DCC: variants seen among roughly 807,000 people sequenced by gnomAD.
DCC encodes the protein DCC netrin 1 receptor.
DCC carries 58 observed loss-of-function variants against 172.5 expected under a neutral mutation model. The observed-to-expected ratio is 0.34, with a 90% CI of 0.27 to 0.42. The LOEUF (loss-of-function observed/expected upper bound fraction) is 0.42, where lower values mean the gene tolerates loss of function less well. DCC is among the 10% of genes least tolerant of loss of function. The probability of loss-of-function intolerance (pLI) is 1.00; values close to 1 mark genes in which losing one functional copy is unlikely to be tolerated. For synonymous variants in DCC, 709 were observed against 644.5 expected, an observed-to-expected ratio of 1.10 and a Z score of -1.52; for missense variants, 1,740 against 1,791.0, an observed-to-expected ratio of 0.97 and a Z score of 0.51.
intron 5 of DCC, among the ~76,000 whole-genome samples, chr18:53,040,955 T>C (rs2042160632): frequency 1.3e-5 from 2 of 151,936 alleles, no homozygotes; most frequent in African/African-American, 4.8e-5. Context: ...GATCAATAGA[T>C]TGCAAAAAAT....
chr18:52,871,463 T>C (rs1319089214), intron 2 of DCC, among the ~76,000 whole-genome samples: 2 of 152,116 alleles, frequency 1.3e-5, no homozygotes, highest in African/African-American at 4.8e-5. Context: ...GCTACCCCTC[T>C]TTTTTTCCTT....
intron 5 of DCC, among the ~76,000 whole-genome samples, chr18:52,973,671 G>A (rs2041066338): frequency 6.6e-6 from 1 of 152,148 alleles, no homozygotes; most frequent in East Asian, 1.9e-4. Context: ...AGACTGACTT[G>A]CTTCTTGTGG....
chr18:53,210,886 C>T (rs979629842), intron 11 of DCC, among the ~76,000 whole-genome samples: 3 of 151,388 alleles, frequency 2.0e-5, no homozygotes, highest in Admixed American at 6.6e-5. Flanking sequence ...GCTTTATTTT[C>T]TGAGTAGAAA....
chr18:53,127,278 G>T (rs1598828477), intron 7 of DCC, among the ~76,000 whole-genome samples: 1 of 151,554 alleles, frequency 6.6e-6, no homozygotes, highest in South Asian at 2.1e-4. Context: ...AAGTGCTGGG[G>T]TTACAGGCAG....
intron 15 of DCC, among the ~76,000 whole-genome samples, chr18:53,369,518 A>G (rs2058039265): frequency 6.6e-6 from 1 of 151,804 alleles, no homozygotes; most frequent in South Asian, 2.1e-4. Context: ...TTCAAGTACT[A>G]TTAGAGTAGA....
chr18:52,533,137 C>A (rs2032198035), intron 1 of DCC, among the ~76,000 whole-genome samples: 1 of 152,008 alleles, frequency 6.6e-6, no homozygotes, highest in African/African-American at 2.4e-5. Flanking sequence ...TACCCTTTAC[C>A]CTGTTTCCCC....
chr18:53,382,069 A>AACACACACACACACAC (rs61553123), intron 15 of DCC, among the ~76,000 whole-genome samples: 85 of 122,942 alleles, frequency 6.9e-4, no homozygotes, highest in African/African-American at 1.8e-3. Context: ...GATTAAAAAC[A>AACACACACACACACAC]ACACACACAC....
chr18:53,096,631 G>T (rs1378306654), intron 7 of DCC, among the ~76,000 whole-genome samples: 2 of 151,840 alleles, frequency 1.3e-5, no homozygotes, highest in Non-Finnish European at 2.9e-5. Flanking sequence ...ATAATGGAGG[G>T]GCTATGCTTT....
chr18:53,360,168 T>G (rs1412376913), intron 15 of DCC, among the ~76,000 whole-genome samples: 1 of 152,144 alleles, frequency 6.6e-6, no homozygotes, highest in African/African-American at 2.4e-5. Context: ...ATTGTGTGTT[T>G]GTGTGTTTTA....
intron 1 of DCC, among the ~76,000 whole-genome samples, chr18:52,614,970 G>T (rs2034352351): frequency 6.6e-6 from 1 of 152,058 alleles, no homozygotes; most frequent in Non-Finnish European, 1.5e-5. Flanking sequence ...TTTTAACTCA[G>T]CATTGAATTA....
intron 7 of DCC, among the ~76,000 whole-genome samples, chr18:53,153,857 CAAG>C (rs1409659743): frequency 6.6e-6 from 1 of 152,088 alleles, no homozygotes; most frequent in African/African-American, 2.4e-5. Context: ...ATAGAAGCAT[CAAG>C]AAGCCAAGGA....
In DCC at chr18:53,115,281, TACAC is replaced by T. The variant is rs1209297575; in HGVS notation, c.1262-42071_1262-42068del. On this transcript the variant is annotated intron_variant, in intron 7 of 28. Coordinates refer to ENST00000442544, the MANE Select transcript of DCC (RefSeq NM_005215.4). ...GAAAGAGAATTAGCATTACAAGAAATACACACAAAATAAAAGACATTTCCATGAT... is the reference window on the plus strand; with the variant it reads ...GAAAGAGAATTAGCATTACAAGAAATACAAAATAAAAGACATTTCCATGAT... 3.3e-5 allele frequency among the ~76,000 whole-genome samples: 5 copies of T among 151,674 alleles called. No individual in the cohort carries two copies. The East Asian group carries it at 9.7e-4, about 30-fold the overall frequency.
At chr18:52,396,896 G>C (rs939856197) in intron 1 of DCC, among the ~76,000 whole-genome samples, 36 of 151,996 alleles carry the variant, frequency 2.4e-4, no homozygotes, top group African/African-American at 8.0e-4. Context: ...CTCTAAGAGA[G>C]GGCATATGTT....
chr18:53,504,546 C>T (rs1037123897), intron 27 of DCC, among the ~76,000 whole-genome samples: 7 of 152,112 alleles, frequency 4.6e-5, no homozygotes, highest in African/African-American at 1.7e-4. Flanking sequence ...TTGAAATTTT[C>T]CTGTCCTCAC....
chr18:52,658,341 C>A (rs1236923376), intron 1 of DCC, among the ~76,000 whole-genome samples: 1 of 152,102 alleles, frequency 6.6e-6, no homozygotes, highest in African/African-American at 2.4e-5. Flanking sequence ...TCATAAAAGT[C>A]ATTGGTTTAT....
At chr18:52,995,657 G>GTC (rs2041466263) in intron 5 of DCC, among the ~76,000 whole-genome samples, 3 of 151,932 alleles carry the variant, frequency 2.0e-5, no homozygotes, top group Admixed American at 2.0e-4. Context: ...CTAGAATGGT[G>GTC]TCTCCAGCCT....
chr18:52,458,602 A>G (rs1988530440), intron 1 of DCC, among the ~76,000 whole-genome samples: 1 of 151,966 alleles, frequency 6.6e-6, no homozygotes, highest in Non-Finnish European at 1.5e-5. Flanking sequence ...GTTTCTTTTG[A>G]CCCAAATTTG....
chr18:53,066,353 G>GTGTATATATATA (rs1555704364), intron 7 of DCC, among the ~76,000 whole-genome samples, 187 bp downstream of exon 7: 1 of 94,620 alleles, frequency 1.1e-5, no homozygotes. Flanking sequence ...GTACATGTGT[G>GTGTATATATATA]TATATATATA....
intron 1 of DCC, among the ~76,000 whole-genome samples, chr18:52,528,900 T>C (rs2032061511): frequency 1.3e-5 from 2 of 152,160 alleles, no homozygotes; most frequent in African/African-American, 4.8e-5. Flanking sequence ...AGTTATCATA[T>C]AGATTTGCTA....
Sources: gnomAD v4.1 joint callset for allele counts (sites outside exome capture counted in the v4.1 genomes callset) on GRCh38, gnomAD v4.1.1 for gene constraint, MANE v1.5 for transcripts, NCBI Gene and HGNC (gene_info 2026-07-23, HGNC 2026-07-21) for gene names.